Variants in ADISSP observed in about 807,000 individuals in gnomAD.
ADISSP encodes adipose-secreted signaling protein.
chr20:3,757,396 G>A, the ADISSP span, among the ~76,000 whole-genome samples: 2 of 152,064 alleles, frequency 1.3e-5, no homozygotes, highest in African/African-American at 4.8e-5. Context: ...ATTAACCATG[G>A]TTATTTTGGG....
the ADISSP span, among the ~76,000 whole-genome samples, chr20:3,764,007 G>A: frequency 2.0e-5 from 3 of 152,172 alleles, no homozygotes; most frequent in African/African-American, 7.2e-5. Flanking sequence ...CCCAGCCCAG[G>A]GTGCAGGAAG....
the ADISSP span, among the ~76,000 whole-genome samples, chr20:3,759,651 C>T: frequency 1.3e-5 from 2 of 152,046 alleles, no homozygotes; most frequent in Admixed American, 6.5e-5. The surrounding 1 kb of genome is among the most constrained non-coding windows in gnomAD (Gnocchi z 4.6). Context: ...CCCCACAGAA[C>T]CCTCAAATCT....
At chr20:3,754,449 G>A in the ADISSP span, 31 of 1,613,772 alleles carry the variant, frequency 1.9e-5, no homozygotes, top group Admixed American at 3.3e-5. Context: ...TGCCACCTTC[G>A]CAGGCTAGCA....
the ADISSP span, among the ~76,000 whole-genome samples, chr20:3,757,931 G>T: frequency 1.7e-4 from 26 of 151,942 alleles, no homozygotes; most frequent in Admixed American, 7.2e-4. Flanking sequence ...GGGCACTCCT[G>T]TTCAACTCTG....
the ADISSP span, among the ~76,000 whole-genome samples, chr20:3,755,213 A>G: frequency 6.6e-6 from 1 of 152,130 alleles, no homozygotes; most frequent in South Asian, 2.1e-4. Flanking sequence ...AGCAGCTCCC[A>G]TCTTGGTTAC....
the ADISSP span, chr20:3,754,038 G>A: frequency 1.3e-6 from 2 of 1,585,266 alleles, no homozygotes; most frequent in African/African-American, 1.3e-5. Context: ...AGGGGCCCGG[G>A]GCAGGCGGGG....
chr20:3,763,917 C>T, the ADISSP span, among the ~76,000 whole-genome samples: 1 of 152,180 alleles, frequency 6.6e-6, no homozygotes, highest in Non-Finnish European at 1.5e-5. Flanking sequence ...GCAGGGTGTT[C>T]ACAGTTTGGG....
chr20:3,754,549 ACCTCCCCCAG>A, the ADISSP span: 4 of 1,593,444 alleles, frequency 2.5e-6, no homozygotes, highest in Non-Finnish European at 8.6e-7. Flanking sequence ...ATTGGTCAGC[ACCTCCCCCAG>A]CCTCCCCGAT....
the ADISSP span, chr20:3,753,909 G>A: frequency 1.6e-6 from 1 of 632,640 alleles, no homozygotes; most frequent in Non-Finnish European, 2.8e-6. Flanking sequence ...CAGCACAAAT[G>A]AAGGCAGAGG....
At chr20:3,754,531 CA>C in the ADISSP span, 4 of 1,604,710 alleles carry the variant, frequency 2.5e-6, no homozygotes, top group East Asian at 8.9e-5. Flanking sequence ...TGCCCGGGGA[CA>C]GGGGCAATTG....
chr20:3,759,201 G>A, the ADISSP span, among the ~76,000 whole-genome samples: 1 of 152,120 alleles, frequency 6.6e-6, no homozygotes, highest in Non-Finnish European at 1.5e-5. This position sits in a 1 kb window ranked among gnomAD's most constrained non-coding sequence, Gnocchi z 4.6. Flanking sequence ...GAAACAGGGG[G>A]GATCAAAAAA....
At chr20:3,757,677 G>C in the ADISSP span, among the ~76,000 whole-genome samples, 1 of 152,082 alleles carries the variant, frequency 6.6e-6, no homozygotes, top group Non-Finnish European at 1.5e-5. Context: ...TGCCCAGGCT[G>C]GAGTGCAGTG....
chr20:3,754,105 C>T, the ADISSP span: 5 of 1,613,516 alleles, frequency 3.1e-6, no homozygotes, highest in South Asian at 1.1e-5. Flanking sequence ...TATTCCAGCT[C>T]GGCGCCCACA....
the ADISSP span, among the ~76,000 whole-genome samples, chr20:3,764,276 C>G: frequency 6.6e-6 from 1 of 152,228 alleles, no homozygotes; most frequent in Non-Finnish European, 1.5e-5. Flanking sequence ...GCCCAGTGTC[C>G]TCAAGGTCCC....
the ADISSP span, among the ~76,000 whole-genome samples, chr20:3,756,717 C>G: frequency 1.3e-5 from 2 of 152,180 alleles, no homozygotes; most frequent in African/African-American, 4.8e-5. Context: ...CCCAGGGGTA[C>G]TACTTATAGA....
chr20:3,764,490 TC>T, the ADISSP span, among the ~76,000 whole-genome samples: 1 of 152,242 alleles, frequency 6.6e-6, no homozygotes, highest in Admixed American at 6.5e-5. Context: ...ATCCCGTCCC[TC>T]CCAGCCACAC....
chr20:3,763,127 GCA>G, the ADISSP span, among the ~76,000 whole-genome samples: 14 of 151,698 alleles, frequency 9.2e-5, no homozygotes, highest in Admixed American at 8.5e-4. Context: ...ATGGTGGTGT[GCA>G]CCTGTAATCC....
the ADISSP span, among the ~76,000 whole-genome samples, chr20:3,765,889 C>T: frequency 6.6e-6 from 1 of 152,002 alleles, no homozygotes; most frequent in Non-Finnish European, 1.5e-5. Context: ...GCCTCCCCGC[C>T]AGCAAAAAAA....
the ADISSP span, chr20:3,768,049 T>G: frequency 0.079 from 12,002 of 152,646 alleles, 813 homozygotes; most frequent in African/African-American, 0.18. Context: ...CCCCCGCTCC[T>G]TCTTCCGCCT....
Sources: gnomAD v4.1 joint callset for allele counts (sites outside exome capture counted in the v4.1 genomes callset) on GRCh38, gnomAD v4.1.1 for gene constraint, Gnocchi (gnomAD v3.1) non-coding constraint, MANE v1.5 for transcripts, NCBI Gene and HGNC (gene_info 2026-07-23, HGNC 2026-07-21) for gene names.